Variants in FAIM2 observed in about 807,000 individuals in gnomAD.
FAIM2 encodes protein lifeguard 2.
A neutral mutation model predicts 47.4 loss-of-function variants in FAIM2; 27 were observed. That is an observed-to-expected ratio of 0.57 (90% confidence interval 0.42 to 0.78). The LOEUF is 0.78. Ranked by LOEUF, FAIM2 falls within the 30% of genes least tolerant of loss-of-function variation. The pLI, the probability that FAIM2 is intolerant of heterozygous loss-of-function variation, is 0.00. For synonymous variants in FAIM2, 156 were observed against 159.3 expected (o/e 0.98, Z 0.16); for missense variants, 311 against 389.4 (o/e 0.80, Z 1.69).
In FAIM2 at chr12:49,887,403, C is replaced by G; in HGVS notation, c.784G>C (p.Ala262Pro). ...WLHAVYAALG[A>P]GVFTLFLALD... ...ACACTCACCAATGTAAATACACCCG[C>G]TCCCAGTGCTGCATAAACTGCATGG... is the stretch of plus-strand genomic sequence containing the variant. Residue 262 changes from alanine to proline, a missense_variant, in exon 11 of 12, where the codon GCG (alanine) becomes CCG (proline). Coordinates refer to ENST00000320634, the MANE Select transcript of FAIM2 (RefSeq NM_012306.4). 2 of 1,611,458 alleles carry G rather than the reference C, an allele frequency of 1.2e-6. No homozygotes were observed. The highest frequency in any genetic ancestry group is 1.7e-6 in the Non-Finnish European group (2 of 1,178,682).
intron 2 of FAIM2, among the ~76,000 whole-genome samples, chr12:49,899,055 G>A (rs1472273881): frequency 1.3e-5 from 2 of 152,110 alleles, no homozygotes; most frequent in Non-Finnish European, 2.9e-5. Flanking sequence ...ACAGACGCAG[G>A]GGTGGATCCC....
intron 5 of FAIM2, among the ~76,000 whole-genome samples, chr12:49,891,349 T>A (rs1394679881): frequency 6.6e-6 from 1 of 152,182 alleles, no homozygotes; most frequent in African/African-American, 2.4e-5. Context: ...TTGGGTCACA[T>A]GAGACAGCTG....
chr12:49,880,361 T>A (rs1260503428), intron 11 of FAIM2, among the ~76,000 whole-genome samples: 8 of 137,508 alleles, frequency 5.8e-5, no homozygotes, highest in African/African-American at 2.0e-4. Context: ...CATGTATGTA[T>A]ATGTGCATGT....
At chr12:49,880,291 T>C (rs1485104722) in intron 11 of FAIM2, among the ~76,000 whole-genome samples, 1 of 148,314 alleles carries the variant, frequency 6.7e-6, no homozygotes, top group Non-Finnish European at 1.5e-5. Context: ...CATATGAGTG[T>C]ATCTGTGTAT....
chr12:49,897,618 G>T, intron 3 of FAIM2, 35 bp from the exon 4 acceptor site: 3 of 1,542,920 alleles, frequency 1.9e-6, no homozygotes, highest in Non-Finnish European at 1.8e-6. Flanking sequence ...AGCTTGGGGG[G>T]CCCTGTTAGG....
chr12:49,887,539 G>C, intron 10 of FAIM2, 100 bp from the exon 11 acceptor site: 1 of 1,034,352 alleles, frequency 9.7e-7, no homozygotes, highest in Non-Finnish European at 1.5e-6. Context: ...ACACGGGGTA[G>C]CCCTGCCCAG....
At chr12:49,894,152 A>G (rs1946919519) in intron 5 of FAIM2, among the ~76,000 whole-genome samples, 1 of 152,226 alleles carries the variant, frequency 6.6e-6, no homozygotes, top group Non-Finnish European at 1.5e-5. Flanking sequence ...TAGCGAAACA[A>G]AAATACTGGT....
chr12:49,887,194 G>A lies in FAIM2; in HGVS notation c.801+192C>T, dbSNP rs193259314. ...ATCTTCCCTCCTGCCCAGGTCAGCC[G>A]GTCTGTCCTGGAAACCAGGTAGAAT... On this transcript the variant is annotated intron_variant, in intron 11 of 11. Transcript: ENST00000320634. 3.2e-3 allele frequency among the ~76,000 whole-genome samples: 491 copies of A among 152,136 alleles called. 1 individual carries two copies. The highest frequency in any genetic ancestry group is 0.011 in the African/African-American group (462 of 41,482).
intron 6 of FAIM2, 50 bp downstream of exon 6, chr12:49,891,014 C>T: frequency 6.3e-7 from 1 of 1,590,708 alleles, no homozygotes; most frequent in Non-Finnish European, 8.6e-7. Flanking sequence ...CCAGAATTTT[C>T]ATGATCCTGC....
intron 8 of FAIM2, 70 bp from the exon 9 acceptor site, chr12:49,889,638 C>T: frequency 1.6e-6 from 2 of 1,286,474 alleles, no homozygotes; most frequent in Non-Finnish European, 2.3e-6. Flanking sequence ...TCCTAGCAGG[C>T]CCCTCTCTTC....
chr12:49,882,635 T>C (rs1028761355), intron 11 of FAIM2, among the ~76,000 whole-genome samples: 2 of 152,018 alleles, frequency 1.3e-5, no homozygotes, highest in Non-Finnish European at 2.9e-5. Context: ...GGCACTGCAG[T>C]TCCCCCTCCC....
chr12:49,901,219 G>A lies in FAIM2; in HGVS notation c.122C>T (p.Ala41Val), dbSNP rs1592796281. The change falls in exon 2 of 12, where the codon GCC becomes GTC. Residue 41 changes from alanine to valine, a missense_variant. Coordinates refer to ENST00000320634, the MANE Select transcript of FAIM2 (RefSeq NM_012306.4). ...VPSAPPSYEE[A>V]TSGEGMKAGA... Reference sequence around the variant, plus strand: ...TGCCTTCATCCCCTCCCCAGAGGTGGCTTCCTCATAGGAGGGTGGGGCTGA... The same window carrying A: ...TGCCTTCATCCCCTCCCCAGAGGTGACTTCCTCATAGGAGGGTGGGGCTGA... 6.2e-7 allele frequency: 1 copy of A among 1,611,912 alleles called. No individual in the cohort carries two copies. The highest frequency in any genetic ancestry group is 2.2e-5 in the East Asian group (1 of 44,612).
At position 49,879,442 on chromosome 12, in the gene FAIM2, ATATG is replaced by A. The variant is rs952118994; in HGVS notation, c.801+7940_801+7943del. Among the ~76,000 whole-genome samples, 24 of 79,230 alleles carry A rather than the reference ATATG, an allele frequency of 3.0e-4. No individual in the cohort carries two copies. The South Asian group carries it at 4.9e-3, about 16-fold the overall frequency. 52.0% of individuals were successfully genotyped at this position (79,230 alleles called of 152,430 possible). A position where few individuals can be genotyped will look rare whatever the true frequency, so the allele number is the denominator to read the frequency against. ...AGTGTATGTGTGTATGTGCATGTGT[ATATG>A]TGTGTGCATACGTGTATATGTGCAT... On this transcript the variant is annotated intron_variant, in intron 11 of 11. Transcript: ENST00000320634.
intron 11 of FAIM2, among the ~76,000 whole-genome samples, chr12:49,880,172 G>GTC (rs1223100160): frequency 7.2e-4 from 97 of 134,742 alleles, no homozygotes; most frequent in African/African-American, 2.6e-3. Context: ...GTGTGTATGT[G>GTC]TGTGTATGCA....
rs554750682 is a variant in FAIM2, at chr12:49,880,130, ATG to A, written c.801+7254_801+7255del. Among the ~76,000 whole-genome samples, 790 of 137,272 alleles carry A rather than the reference ATG, an allele frequency of 5.8e-3. 2 individuals are homozygous for A. The highest frequency in any genetic ancestry group is 0.023 in the South Asian group (97 of 4,186). 90.1% of individuals were successfully genotyped at this position (137,272 alleles called of 152,430 possible). On this transcript the variant is annotated intron_variant, in intron 11 of 11. Coordinates refer to ENST00000320634, the MANE Select transcript of FAIM2 (RefSeq NM_012306.4). ...CGTCTGTGTATGTGTGTGCATGTGA[ATG>A]TGTGTATATGTGAGTGTATGTGTGT...
chr12:49,903,392 G>A (rs998704372), intron 1 of FAIM2, among the ~76,000 whole-genome samples: 1 of 152,238 alleles, frequency 6.6e-6, no homozygotes, highest in Non-Finnish European at 1.5e-5. Context: ...GGAGGGTTGG[G>A]CCAGAGGGGG....
rs1946692782 is a variant in FAIM2, at chr12:49,870,332, C to T, written c.*172G>A. Reference sequence around the variant, plus strand: ...ACGTGGCCTCAGTTCCTCAGGGTCCCCATGGCGTATGTACAAGCGGCAGAG... The same window carrying T: ...ACGTGGCCTCAGTTCCTCAGGGTCCTCATGGCGTATGTACAAGCGGCAGAG... On this transcript the variant is annotated 3_prime_UTR_variant, in exon 12 of 12. Coordinates refer to ENST00000320634, the MANE Select transcript of FAIM2 (RefSeq NM_012306.4). 1.8e-5 allele frequency: 11 copies of T among 608,518 alleles called. No individual in the cohort carries two copies. The highest frequency in any genetic ancestry group is 3.2e-5 in the Non-Finnish European group (11 of 347,358). 37.7% of individuals were successfully genotyped at this position (608,518 alleles called of 1,614,324 possible). A position where few individuals can be genotyped will look rare whatever the true frequency, so the allele number is the denominator to read the frequency against.
At chr12:49,872,830 G>T (rs1245204441) in intron 11 of FAIM2, among the ~76,000 whole-genome samples, 1 of 152,342 alleles carries the variant, frequency 6.6e-6, no homozygotes, top group East Asian at 1.9e-4. Context: ...GGAGATGAGC[G>T]TGCCTGCCTC....
At chr12:49,882,076 ACACTT>A (rs1946829660) in intron 11 of FAIM2, among the ~76,000 whole-genome samples, 1 of 152,174 alleles carries the variant, frequency 6.6e-6, no homozygotes, top group South Asian at 2.1e-4. Flanking sequence ...GCCTCCTCCT[ACACTT>A]CTCTTCACCC....
Sources: allele counts gnomAD v4.1 joint callset (sites outside exome capture counted in the v4.1 genomes callset), GRCh38; gene constraint gnomAD v4.1.1; transcripts MANE v1.5; gene names NCBI Gene and HGNC (gene_info 2026-07-23, HGNC 2026-07-21).